The following DMXL2 variants were observed in gnomAD, a reference collection of about 807,000 sequenced individuals.
The protein encoded by DMXL2 is Dmx like 2.
Under a neutral mutation model 331.1 loss-of-function variants are expected in DMXL2, and 103 were observed. That is an observed-to-expected ratio of 0.31 (90% CI 0.27 to 0.37). The LOEUF is 0.37. Ranked by LOEUF, DMXL2 falls within the 10% of genes least tolerant of loss-of-function variation. DMXL2 has a pLI of 1.00. For synonymous variants in DMXL2, 1,281 were observed against 1,252.1 expected (o/e 1.02, Z -0.49); for missense variants, 3,171 against 3,642.9 (o/e 0.87, Z 3.33).
rs2050125672 is a variant in DMXL2 at position 51,564,031 on chromosome 15, A to G, written c.500+94T>C. On this transcript the variant is annotated intron_variant, in intron 5 of 43. Transcript: ENST00000560891. The stretch of plus-strand genomic sequence containing the variant: ...TTTCTAGGCATCTAAATGCAATGGT[A>G]CCATCAAAAAATAAAGATCTTTGTG... The G allele has an allele frequency of 1.9e-5, 26 of 1,367,468 alleles. No individual in the cohort carries two copies. In the East Asian group the frequency reaches 6.6e-4, roughly 35 times the overall value. 84.7% of individuals were successfully genotyped at this position (1,367,468 alleles called of 1,614,324 possible).
chr15:51,613,154 C>T (rs1273855839), intron 1 of DMXL2, among the ~76,000 whole-genome samples: 1 of 152,142 alleles, frequency 6.6e-6, no homozygotes, highest in African/African-American at 2.4e-5. Flanking sequence ...ATGCAATCAT[C>T]ACAGGGTCCT....
intron 1 of DMXL2, among the ~76,000 whole-genome samples, chr15:51,597,803 T>C (rs2052934989): frequency 6.6e-6 from 1 of 152,220 alleles, no homozygotes; most frequent in Admixed American, 6.5e-5. Context: ...CATCACCAGA[T>C]ACATGTGAGA....
chr15:51,495,052 AG>A lies in DMXL2; in HGVS notation c.4754del (p.Pro1585LeufsTer29). ...LHTCLLTSLP[P>X]LYRVQLLHQG... is the part of the protein sequence containing the mutation. ...GATGAAGTAGCTGCACTCGGTATAAAGGAGGCAGCGATGTCAAAAGGCATGT... is the reference window on the plus strand; with the variant it reads ...GATGAAGTAGCTGCACTCGGTATAAAGAGGCAGCGATGTCAAAAGGCATGT... On this transcript the variant is annotated frameshift_variant, in exon 19 of 44. Coordinates refer to ENST00000560891, the MANE Select transcript of DMXL2 (RefSeq NM_001378457.1). LOFTEE classifies it high-confidence loss of function. The A allele has an allele frequency of 6.2e-7, 1 of 1,613,278 alleles. No individual in the cohort carries two copies. The highest frequency in any genetic ancestry group is 8.5e-7 in the Non-Finnish European group (1 of 1,179,354).
rs77948454 is a variant in DMXL2, at chr15:51,452,598, C to T, written c.8697-901G>A. On this transcript the variant is annotated intron_variant, in intron 41 of 43. Transcript: ENST00000560891. ...AATTAAAAAACCAAAAAACAATAGACGCTGGCATGGAGGTGGTGAAAAGGG... is the reference window on the plus strand; with the variant it reads ...AATTAAAAAACCAAAAAACAATAGATGCTGGCATGGAGGTGGTGAAAAGGG... Among the ~76,000 whole-genome samples, 901 of 152,178 alleles carry T rather than the reference C, an allele frequency of 5.9e-3. 7 individuals are homozygous for T. Among genetic ancestry groups the T allele is most frequent in the African/African-American group, 0.021 (855 of 41,522 alleles).
intron 37 of DMXL2, among the ~76,000 whole-genome samples, chr15:51,456,955 T>G (rs1428253700): frequency 1.3e-5 from 2 of 152,118 alleles, no homozygotes; most frequent in Non-Finnish European, 2.9e-5. Flanking sequence ...GTAGATCACT[T>G]GAGCCCAGGA....
rs778017577 is a variant in DMXL2, at chr15:51,451,714, A to AT, written c.8697-18dup. The AT allele has an allele frequency of 4.2e-4, 674 of 1,598,794 alleles. 2 individuals carry two copies. The highest frequency in any genetic ancestry group is 1.0e-3 in the Middle Eastern group (6 of 5,736). On this transcript the variant is annotated splice_polypyrimidine_tract_variant and intron_variant, in intron 41 of 43. Coordinates refer to ENST00000560891, the MANE Select transcript of DMXL2 (RefSeq NM_001378457.1). ...CAAACATTTCTTTTAAAGAAACACAATAACAAAAATACATCATAAATGATT... is the reference window on the plus strand; with the variant it reads ...CAAACATTTCTTTTAAAGAAACACAATTAACAAAAATACATCATAAATGATT...
intron 23 of DMXL2, among the ~76,000 whole-genome samples, chr15:51,483,123 G>A (rs554937117): frequency 2.6e-5 from 4 of 152,318 alleles, no homozygotes; most frequent in African/African-American, 9.6e-5. Context: ...CCTTACAACA[G>A]AAGAATCCCA....
In DMXL2 at chr15:51,498,990, C is replaced by T. The variant is rs202201800; in HGVS notation, c.4234G>A (p.Val1412Ile). 59 of 1,613,892 alleles carry T rather than the reference C, an allele frequency of 3.7e-5. No homozygotes were observed. The highest frequency in any genetic ancestry group is 2.2e-5 in the East Asian group (1 of 44,878). ...SGSTAKETVT[V>I]GKDGTRDYTE... ...TAATCTCGAGTACCATCTTTTCCTA[C>T]GGTGACTGTTTCCTTTGCTGTACTG... is the stretch of plus-strand genomic sequence containing the variant. The change falls in exon 18 of 44, where the codon GTA becomes ATA. Residue 1412 changes from valine to isoleucine, a missense_variant. Around this residue, in one of 7 missense-constraint regions of DMXL2, gnomAD observed 1,674 missense variants for 1,780.2 expected, o/e 0.94. Coordinates refer to ENST00000560891, the MANE Select transcript of DMXL2 (RefSeq NM_001378457.1).
chr15:51,513,357 C>T (rs1209262977), intron 15 of DMXL2, among the ~76,000 whole-genome samples: 2 of 151,996 alleles, frequency 1.3e-5, no homozygotes, highest in Non-Finnish European at 2.9e-5. Context: ...TAAGATACTA[C>T]AGAAAAGTAA....
At chr15:51,527,840 G>C (rs752513424) in intron 13 of DMXL2, among the ~76,000 whole-genome samples, 1 of 151,986 alleles carries the variant, frequency 6.6e-6, no homozygotes, top group African/African-American at 2.4e-5. Flanking sequence ...TAAGTAGAAA[G>C]ACTAAATGAT....
chr15:51,500,890 A>G (rs1439125525), intron 17 of DMXL2, among the ~76,000 whole-genome samples: 1 of 152,254 alleles, frequency 6.6e-6, no homozygotes, highest in Non-Finnish European at 1.5e-5. Context: ...ATCTGAGGTC[A>G]GAAGATCTGG....
intron 2 of DMXL2, among the ~76,000 whole-genome samples, chr15:51,574,419 T>C (rs2050876965): frequency 7.4e-6 from 1 of 135,168 alleles, no homozygotes; most frequent in Admixed American, 7.7e-5. Flanking sequence ...ATTAGGTATA[T>C]ATTCTTTTAA....
At chr15:51,577,509 C>T (rs1355735530) in intron 1 of DMXL2, among the ~76,000 whole-genome samples, 1 of 152,150 alleles carries the variant, frequency 6.6e-6, no homozygotes, top group African/African-American at 2.4e-5. Context: ...GAGAAAATCA[C>T]TCACAGGAGG....
chr15:51,544,043 G>T (rs1349720079), intron 8 of DMXL2, among the ~76,000 whole-genome samples: 1 of 152,032 alleles, frequency 6.6e-6, no homozygotes, highest in African/African-American at 2.4e-5. Context: ...CAAAATAAAA[G>T]ATAACTTTAA....
intron 8 of DMXL2, among the ~76,000 whole-genome samples, chr15:51,544,825 T>C (rs1596199642): frequency 6.6e-6 from 1 of 152,138 alleles, no homozygotes; most frequent in Admixed American, 6.6e-5. Flanking sequence ...ATAAATTCCG[T>C]ATTTCTTCTC....
At chr15:51,555,228 TG>T (rs2049485218) in intron 6 of DMXL2, among the ~76,000 whole-genome samples, 1 of 152,150 alleles carries the variant, frequency 6.6e-6, no homozygotes, top group Non-Finnish European at 1.5e-5. Context: ...CAGCAAAAAT[TG>T]GGAAACCAAT....
chr15:51,472,387 T>C lies in DMXL2; in HGVS notation c.7214-986A>G, dbSNP rs567961312. Among the ~76,000 whole-genome samples the C allele has an allele frequency of 3.3e-5, 5 of 152,288 alleles. 1 individual carries two copies. The highest frequency in any genetic ancestry group is 7.2e-5 in the African/African-American group (3 of 41,568). On this transcript the variant is annotated intron_variant, in intron 28 of 43. Coordinates refer to ENST00000560891, the MANE Select transcript of DMXL2 (RefSeq NM_001378457.1). ...TAATTGAGGCAAATTTTACATAAAATAAAATTAACAATTTTAAAGTGTACA... is the reference window on the plus strand; with the variant it reads ...TAATTGAGGCAAATTTTACATAAAACAAAATTAACAATTTTAAAGTGTACA...
intron 16 of DMXL2, among the ~76,000 whole-genome samples, chr15:51,505,045 A>G (rs750714905): frequency 3.3e-5 from 5 of 152,202 alleles, no homozygotes; most frequent in Non-Finnish European, 5.9e-5. Context: ...ACTGGGGATA[A>G]TATCTATTCA....
chr15:51,525,011 G>T (rs553538133), intron 13 of DMXL2, among the ~76,000 whole-genome samples: 1 of 151,620 alleles, frequency 6.6e-6, no homozygotes, highest in Non-Finnish European at 1.5e-5. Context: ...GAAGAGAGGC[G>T]ACAGAAGAGT....
Sources: gnomAD v4.1 joint callset for allele counts (sites outside exome capture counted in the v4.1 genomes callset) on GRCh38, gnomAD v4.1.1 for gene constraint, gnomAD v4.1.1 regional missense constraint, MANE v1.5 for transcripts, NCBI Gene and HGNC (gene_info 2026-07-23, HGNC 2026-07-21) for gene names.